The following TPD52L1 variants were observed in gnomAD, a reference collection of about 807,000 sequenced individuals.
TPD52L1 encodes TPD52 like 1, also known as tumor protein D53.
A neutral mutation model predicts 28.7 loss-of-function variants in TPD52L1; 18 were observed. That is an observed-to-expected ratio of 0.63 (90% CI 0.43 to 0.93). TPD52L1 has a LOEUF of 0.93. TPD52L1 is among the 40% of genes least tolerant of loss of function. The probability of loss-of-function intolerance (pLI) is 0.00; values close to 1 mark genes in which losing one functional copy is unlikely to be tolerated. For missense variants in TPD52L1, 203 were observed against 254.8 expected, an observed-to-expected ratio of 0.80 and a Z score of 1.39; for synonymous variants, 75 against 88.8, an observed-to-expected ratio of 0.84 and a Z score of 0.88.
intron 3 of TPD52L1, among the ~76,000 whole-genome samples, chr6:125,237,236 A>G (rs1796318635): frequency 1.3e-5 from 2 of 152,150 alleles, no homozygotes; most frequent in Admixed American, 1.3e-4. Flanking sequence ...TAATGCTTTA[A>G]TGGGTCCCTC....
chr6:125,192,320 T>TA (rs1562254865), intron 1 of TPD52L1, among the ~76,000 whole-genome samples: 2 of 140,344 alleles, frequency 1.4e-5, no homozygotes, highest in East Asian at 4.5e-4. Context: ...ACAAAAAAAA[T>TA]CTTTTTTTTT....
intron 3 of TPD52L1, among the ~76,000 whole-genome samples, chr6:125,240,342 T>C (rs1398744135): frequency 6.6e-6 from 1 of 152,116 alleles, no homozygotes; most frequent in African/African-American, 2.4e-5. Flanking sequence ...TTTAGAATTG[T>C]TTTTTCTAGT....
intron 4 of TPD52L1, chr6:125,253,023 C>G (rs959873092): frequency 2.0e-5 from 3 of 152,230 alleles, no homozygotes; most frequent in African/African-American, 7.2e-5. Flanking sequence ...CTGAGTGGAA[C>G]TCAATAGAAA....
intron 6 of TPD52L1, among the ~76,000 whole-genome samples, chr6:125,260,588 A>T (rs1199258283): frequency 3.3e-5 from 5 of 152,028 alleles, no homozygotes; most frequent in African/African-American, 9.7e-5. Context: ...GCAGATCACT[A>T]GAGGTCAAGA....
intron 3 of TPD52L1, among the ~76,000 whole-genome samples, chr6:125,238,092 G>A (rs1009563856): frequency 6.6e-6 from 1 of 152,126 alleles, no homozygotes; most frequent in Admixed American, 6.5e-5. Context: ...TTATTTGTAA[G>A]TAAGTCATTT....
chr6:125,218,112 A>G (rs1795000954), intron 1 of TPD52L1, among the ~76,000 whole-genome samples: 2 of 152,202 alleles, frequency 1.3e-5, no homozygotes, highest in South Asian at 4.1e-4. Context: ...ACACAGTGGA[A>G]TTGCTAGGTT....
chr6:125,201,904 T>A (rs989499107), intron 1 of TPD52L1, among the ~76,000 whole-genome samples: 8 of 152,246 alleles, frequency 5.3e-5, no homozygotes, highest in Non-Finnish European at 1.5e-5. Context: ...ATTTTTTTCC[T>A]GGGCATTGTC....
chr6:125,177,227 C>T (rs865942108), intron 1 of TPD52L1, among the ~76,000 whole-genome samples: 1 of 152,086 alleles, frequency 6.6e-6, no homozygotes, highest in Non-Finnish European at 1.5e-5. Context: ...CTTCCAAACC[C>T]GTTTTCTACG....
chr6:125,154,171 G>C, intron 1 of TPD52L1: 1 of 1,374,690 alleles, frequency 7.3e-7, no homozygotes, highest in Non-Finnish European at 9.4e-7. Context: ...TCAATAAAGT[G>C]ACAGGGGATC....
At chr6:125,216,540 T>TATATAA (rs1794901458) in intron 1 of TPD52L1, among the ~76,000 whole-genome samples, 1 of 69,488 alleles carries the variant, frequency 1.4e-5, no homozygotes, top group African/African-American at 4.7e-5. Flanking sequence ...TATATATATA[T>TATATAA]ATATATATAT....
intron 1 of TPD52L1, among the ~76,000 whole-genome samples, chr6:125,218,604 C>T (rs953164002): frequency 1.8e-4 from 28 of 152,172 alleles, no homozygotes; most frequent in Admixed American, 7.2e-4. Flanking sequence ...TAATCTTGTT[C>T]GTCCGTTTTT....
At chr6:125,257,221 G>A in intron 6 of TPD52L1, 63 bp downstream of exon 6, 2 of 1,464,904 alleles carry the variant, frequency 1.4e-6, no homozygotes, top group Non-Finnish European at 1.9e-6. Flanking sequence ...AGCCATTGCT[G>A]CGGTTAGTTT....
At position 125,153,854 on chromosome 6, in the gene TPD52L1, GC is replaced by G; in HGVS notation, c.-97del. 5 of 1,403,444 alleles carry G rather than the reference GC, an allele frequency of 3.6e-6. No homozygotes were observed. Among genetic ancestry groups the G allele is most frequent in the Non-Finnish European group, 4.8e-6 (5 of 1,049,756 alleles). The allele number at this position is 1,403,444 out of a possible 1,614,324, so 86.9% of individuals were successfully genotyped here. A position where few individuals can be genotyped will look rare whatever the true frequency, so the allele number is the denominator to read the frequency against. On this transcript the variant is annotated 5_prime_UTR_variant, in exon 1 of 7. Coordinates refer to ENST00000534000, the MANE Select transcript of TPD52L1 (RefSeq NM_003287.4). ...ACACGCGTGCCAGGAGTGGGAGCGA[GC>G]GGCGGGGCCAGCTGCGTTCTGAGCC... is the stretch of plus-strand genomic sequence containing the variant.
At chr6:125,193,773 T>C (rs1482449812) in intron 1 of TPD52L1, among the ~76,000 whole-genome samples, 1 of 152,122 alleles carries the variant, frequency 6.6e-6, no homozygotes, top group East Asian at 1.9e-4. Context: ...AGCATCAGTG[T>C]TGGTAAGAGT....
intron 1 of TPD52L1, among the ~76,000 whole-genome samples, chr6:125,195,896 C>T (rs2114877281): frequency 6.6e-6 from 1 of 152,294 alleles, no homozygotes; most frequent in South Asian, 2.1e-4. Flanking sequence ...AGTTGTTGCC[C>T]ACTTGCTCAT....
At chr6:125,187,927 G>A (rs927442788) in intron 1 of TPD52L1, among the ~76,000 whole-genome samples, 3 of 143,814 alleles carry the variant, frequency 2.1e-5, no homozygotes, top group Admixed American at 1.5e-4. Context: ...ACTAAACTGA[G>A]ATTTTTTTTT....
chr6:125,224,903 T>C (rs1376047346), intron 2 of TPD52L1, among the ~76,000 whole-genome samples: 1 of 152,232 alleles, frequency 6.6e-6, no homozygotes, highest in Non-Finnish European at 1.5e-5. Flanking sequence ...ACTTATCCAT[T>C]TTAAAGTGAC....
At chr6:125,243,324 G>C (rs77010348) in intron 3 of TPD52L1, among the ~76,000 whole-genome samples, 6,364 of 152,118 alleles carry the variant, frequency 0.042, 169 homozygotes, top group African/African-American at 0.084. Context: ...GGAGTTCTTT[G>C]AGCTTCTTGT....
At chr6:125,231,853 A>G (rs1052379291) in intron 3 of TPD52L1, among the ~76,000 whole-genome samples, 5 of 152,164 alleles carry the variant, frequency 3.3e-5, no homozygotes, top group African/African-American at 1.2e-4. Context: ...TGCTGCATTC[A>G]TGAAGTGAGA....
Sources: allele counts gnomAD v4.1 joint callset (sites outside exome capture counted in the v4.1 genomes callset), GRCh38; gene constraint gnomAD v4.1.1; transcripts MANE v1.5; gene names NCBI Gene and HGNC (gene_info 2026-07-23, HGNC 2026-07-21).